The following SLC9A9 variants were observed in gnomAD, a reference collection of about 807,000 sequenced individuals.
The protein encoded by SLC9A9 is sodium/hydrogen exchanger 9.
In SLC9A9, 62 loss-of-function variants were observed where a neutral mutation model predicts 77.8. That is an observed-to-expected ratio of 0.80 (90% CI 0.65 to 0.98). The LOEUF is 0.98. SLC9A9 is among the 50% of genes least tolerant of loss of function. The probability of loss-of-function intolerance (pLI) is 0.00; values close to 1 mark genes in which losing one functional copy is unlikely to be tolerated. For synonymous variants in SLC9A9, 320 were observed against 283.5 expected (o/e 1.13, Z -1.29); for missense variants, 775 against 774.9 (o/e 1.00, Z 0.00).
intron 5 of SLC9A9, among the ~76,000 whole-genome samples, chr3:143,672,774 T>C (rs562738446): frequency 6.6e-6 from 1 of 152,340 alleles, no homozygotes; most frequent in Admixed American, 6.5e-5. Context: ...CAATCACCAT[T>C]ATTTATGCAG....
At chr3:143,683,547 C>G (rs955290646) in intron 5 of SLC9A9, among the ~76,000 whole-genome samples, 1 of 152,052 alleles carries the variant, frequency 6.6e-6, no homozygotes, top group African/African-American at 2.4e-5. Flanking sequence ...GGGCAAAAAT[C>G]GGGAAAATTT....
chr3:143,618,679 G>C (rs1475095854), intron 6 of SLC9A9, among the ~76,000 whole-genome samples: 1 of 152,164 alleles, frequency 6.6e-6, no homozygotes, highest in Non-Finnish European at 1.5e-5. Flanking sequence ...CACTACAGGG[G>C]AGACATTTCT....
intron 5 of SLC9A9, among the ~76,000 whole-genome samples, chr3:143,667,416 C>G (rs2108762032): frequency 6.6e-6 from 1 of 152,308 alleles, no homozygotes; most frequent in Admixed American, 6.5e-5. Flanking sequence ...AGGACATAGG[C>G]ATGGGCAAGG....
intron 9 of SLC9A9, among the ~76,000 whole-genome samples, chr3:143,508,089 TG>T (rs1485230632): frequency 6.6e-6 from 1 of 152,224 alleles, no homozygotes; most frequent in African/African-American, 2.4e-5. Flanking sequence ...TTTCTAATTA[TG>T]TTTTTTTAAG....
At chr3:143,450,352 A>G (rs532456345) in intron 12 of SLC9A9, among the ~76,000 whole-genome samples, 7 of 150,916 alleles carry the variant, frequency 4.6e-5, no homozygotes, top group Non-Finnish European at 7.4e-5. Flanking sequence ...ACATAAACTC[A>G]AAAGATAGCT....
intron 8 of SLC9A9, among the ~76,000 whole-genome samples, chr3:143,565,997 T>A (rs998988728): frequency 2.0e-5 from 3 of 152,106 alleles, no homozygotes; most frequent in African/African-American, 7.2e-5. Context: ...TGGAACACAT[T>A]CACCTCTGAG....
intron 14 of SLC9A9, among the ~76,000 whole-genome samples, chr3:143,317,903 A>AT (rs753040961): frequency 6.6e-6 from 1 of 152,006 alleles, no homozygotes; most frequent in South Asian, 2.1e-4. Context: ...AATTTTTTGT[A>AT]TTTTTAGTAG....
chr3:143,705,536 T>C (rs1291909788), intron 4 of SLC9A9, among the ~76,000 whole-genome samples: 1 of 152,200 alleles, frequency 6.6e-6, no homozygotes, highest in Non-Finnish European at 1.5e-5. Context: ...ATGCATTGCA[T>C]GCCTGTATCA....
intron 2 of SLC9A9, among the ~76,000 whole-genome samples, chr3:143,804,019 C>T (rs1191493086): frequency 1.3e-5 from 2 of 152,108 alleles, no homozygotes; most frequent in East Asian, 1.9e-4. Flanking sequence ...CTTATGTGGA[C>T]CCCTCACAAC....
At chr3:143,309,879 A>T (rs1458241550) in intron 14 of SLC9A9, among the ~76,000 whole-genome samples, 1 of 152,190 alleles carries the variant, frequency 6.6e-6, no homozygotes, top group Non-Finnish European at 1.5e-5. Flanking sequence ...GGAAAAAAAA[A>T]GTCTCTGTCC....
chr3:143,575,883 T>C (rs543670547), intron 7 of SLC9A9, among the ~76,000 whole-genome samples: 2 of 152,184 alleles, frequency 1.3e-5, no homozygotes, highest in East Asian at 3.9e-4. Flanking sequence ...ACAGTAAGCA[T>C]TTATCTCCTT....
At chr3:143,276,264 A>T (rs532965674) in intron 14 of SLC9A9, among the ~76,000 whole-genome samples, 30 of 152,220 alleles carry the variant, frequency 2.0e-4, no homozygotes, top group Non-Finnish European at 2.5e-4. Context: ...TTTCAAAAAC[A>T]TTCCAACTAT....
At chr3:143,791,858 T>C (rs1389939470) in intron 4 of SLC9A9, among the ~76,000 whole-genome samples, 1 of 152,178 alleles carries the variant, frequency 6.6e-6, no homozygotes, top group Non-Finnish European at 1.5e-5. Context: ...AATAAAAATC[T>C]CCCATGTCTA....
chr3:143,376,132 G>T (rs555020003), intron 13 of SLC9A9, among the ~76,000 whole-genome samples: 3 of 152,126 alleles, frequency 2.0e-5, no homozygotes, highest in African/African-American at 7.2e-5. Context: ...CCTAGACAAC[G>T]GGCCCATACT....
chr3:143,587,216 A>G (rs1455809577), intron 6 of SLC9A9, among the ~76,000 whole-genome samples: 22 of 152,266 alleles, frequency 1.4e-4, no homozygotes, highest in Non-Finnish European at 1.5e-5. Context: ...TACTAAGTAC[A>G]GACATTGTTC....
intron 12 of SLC9A9, among the ~76,000 whole-genome samples, chr3:143,463,324 T>G (rs1171170593): frequency 6.6e-6 from 1 of 152,218 alleles, no homozygotes; most frequent in Admixed American, 6.5e-5. Flanking sequence ...GAAAGTTTCT[T>G]GGCTCCATGC....
chr3:143,387,632 C>T (rs912210330), intron 12 of SLC9A9, among the ~76,000 whole-genome samples: 2 of 152,108 alleles, frequency 1.3e-5, no homozygotes, highest in Non-Finnish European at 2.9e-5. Context: ...CTCCGGGTTC[C>T]TCATTTACAA....
chr3:143,729,448 A>G (rs994646517), intron 4 of SLC9A9, among the ~76,000 whole-genome samples: 1 of 152,204 alleles, frequency 6.6e-6, no homozygotes, highest in African/African-American at 2.4e-5. Flanking sequence ...TCAGGGGTCT[A>G]TACAAGCTAG....
At chr3:143,798,872 T>G (rs1298892965) in intron 2 of SLC9A9, among the ~76,000 whole-genome samples, 2 of 152,066 alleles carry the variant, frequency 1.3e-5, no homozygotes, top group East Asian at 3.9e-4. Context: ...TGTTGCTCAG[T>G]CTTTCCAATT....
Sources: allele counts gnomAD v4.1 joint callset (sites outside exome capture counted in the v4.1 genomes callset), GRCh38; gene constraint gnomAD v4.1.1; transcripts MANE v1.5; gene names NCBI Gene and HGNC (gene_info 2026-07-23, HGNC 2026-07-21).